Variants in TLN1 observed in about 807,000 individuals in gnomAD.
TLN1 encodes the protein talin-1.
A neutral mutation model predicts 292.3 loss-of-function variants in TLN1; 56 were observed. The ratio of observed to expected loss-of-function variants is 0.19; its 90% confidence interval spans 0.15 to 0.24. The LOEUF (loss-of-function observed/expected upper bound fraction) is 0.24. Among genes scored for constraint, TLN1 ranks in the 10% least tolerant of loss-of-function variants. The probability of loss-of-function intolerance (pLI) is 1.00; values close to 1 mark genes in which losing one functional copy is unlikely to be tolerated. For missense variants in TLN1, 2,433 were observed against 3,248.2 expected (o/e 0.75, Z 6.10); for synonymous variants, 1,119 against 1,253.7 (o/e 0.89, Z 2.27).
In TLN1 at chr9:35,716,405, C is replaced by T. The variant is rs1361248549; in HGVS notation, c.2610G>A (p.Met870Ile). 1 of 1,614,066 alleles carries T rather than the reference C, an allele frequency of 6.2e-7. No homozygotes were observed. The highest frequency in any genetic ancestry group is 8.5e-7 in the Non-Finnish European group (1 of 1,180,038). Reference sequence around the variant, plus strand: ...GGCTTTGTACCTTGGCAGCCTCTACCATCTTGGCTGTGGCATCAGCTAGGA... The same window carrying T: ...GGCTTTGTACCTTGGCAGCCTCTACTATCTTGGCTGTGGCATCAGCTAGGA... ...AKILADATAK[M>I]VEAAKGAAAH... The change falls in exon 20 of 57, where the codon ATG (methionine) becomes ATA (isoleucine). Residue 870 changes from methionine (M) to isoleucine (I), a missense_variant. Met to Ile is a conservative substitution (Grantham distance 10). This residue lies in a region of TLN1 where 617 missense variants were observed against 770.6 expected (regional missense o/e 0.80). Coordinates refer to ENST00000314888, the MANE Select transcript of TLN1 (RefSeq NM_006289.4).
At position 35,697,798 on chromosome 9, in the gene TLN1, T is replaced by A; in HGVS notation, c.7619A>T (p.Glu2540Val). 1.9e-6 allele frequency: 3 copies of A among 1,614,052 alleles called. No individual in the cohort carries two copies. The highest frequency in any genetic ancestry group is 2.5e-6 in the Non-Finnish European group (3 of 1,180,010). The change falls in exon 57 of 57, where the codon GAG (glutamate) becomes GTG (valine). Residue 2540 changes from glutamate (E) to valine (V), a missense_variant. By Grantham distance (121) the Glu-to-Val change is moderately radical. This residue lies in a region of TLN1 where 141 missense variants were observed against 248.5 expected (regional missense o/e 0.57). Coordinates refer to ENST00000314888, the MANE Select transcript of TLN1 (RefSeq NM_006289.4). ...YKFLPSELRD[E>V]H Reference sequence around the variant, plus strand: ...TAAATAGAAGAGGCTTCTTTAGTGCTCATCTCGAAGCTCTGAAGGCAGAAA... The same window carrying A: ...TAAATAGAAGAGGCTTCTTTAGTGCACATCTCGAAGCTCTGAAGGCAGAAA...
At chr9:35,705,888 G>A in intron 41 of TLN1, 37 bp from the exon 42 acceptor site, 1 of 1,614,124 alleles carries the variant, frequency 6.2e-7, no homozygotes. Flanking sequence ...AAGACTGTTA[G>A]GGTCTCTGCC....
Position 35,699,267 on chromosome 9 carries a change from G to A in TLN1, c.6874+89C>T, listed in dbSNP as rs367889462. On this transcript the variant is annotated intron_variant, in intron 51 of 56. Coordinates refer to ENST00000314888, the MANE Select transcript of TLN1 (RefSeq NM_006289.4). The surrounding 1 kb of genome is among the most constrained non-coding windows in gnomAD (Gnocchi z 4.0). ...CTGGCATCTGTGGGGACTATGGTCAGAGGCTAGCACAGAGCTGTCCAGCCA... is the reference window on the plus strand; with the variant it reads ...CTGGCATCTGTGGGGACTATGGTCAAAGGCTAGCACAGAGCTGTCCAGCCA... The A allele has an allele frequency of 2.2e-4, 341 of 1,555,472 alleles. 3 individuals carry two copies. The African/African-American group carries it at 4.0e-3, about 18-fold the overall frequency.
chr9:35,719,012 C>A lies in TLN1; in HGVS notation c.1896+62G>T. 1 of 1,596,412 alleles carries A rather than the reference C, an allele frequency of 6.3e-7. No individual in the cohort carries two copies. Among genetic ancestry groups the A allele is most frequent in the Non-Finnish European group, 8.6e-7 (1 of 1,167,504 alleles). On this transcript the variant is annotated intron_variant, in intron 16 of 56. Transcript: ENST00000314888. This position sits in a 1 kb window ranked among gnomAD's most constrained non-coding sequence, Gnocchi z 4.6. ...CCAGGCTTCCATCCTGTGGCTTGGA[C>A]TGCCCCTTCTCCTTGGGCTTGAACC...
rs570385924 is a variant in TLN1 at position 35,717,972 on chromosome 9, C to A, written c.1996-186G>T. ...GCAGGACAGAACCCCCACCGAGGAA[C>A]AAACCCACACCAAGAGAAAATACAG... On this transcript the variant is annotated intron_variant, in intron 17 of 56. Coordinates refer to ENST00000314888, the MANE Select transcript of TLN1 (RefSeq NM_006289.4). This position sits in a 1 kb window ranked among gnomAD's most constrained non-coding sequence, Gnocchi z 4.7. Among the ~76,000 whole-genome samples, 87 of 152,278 alleles carry A rather than the reference C, an allele frequency of 5.7e-4. No individual in the cohort carries two copies. The highest frequency in any genetic ancestry group is 1.1e-3 in the Non-Finnish European group (75 of 68,016).
chr9:35,710,081 G>C (rs1003949377), intron 33 of TLN1, among the ~76,000 whole-genome samples: 5 of 147,052 alleles, frequency 3.4e-5, no homozygotes, highest in Non-Finnish European at 6.0e-5. Flanking sequence ...AAATTAGCCG[G>C]GTGTGGTGGT....
At position 35,710,999 on chromosome 9, in the gene TLN1, C is replaced by T. The variant is rs1476377555; in HGVS notation, c.4103G>A (p.Arg1368Gln). The T allele has an allele frequency of 1.2e-6, 2 of 1,614,192 alleles. No individual in the cohort carries two copies. Among genetic ancestry groups the T allele is most frequent in the African/African-American group, 1.3e-5 (1 of 75,048 alleles). The change falls in exon 31 of 57, where the codon CGG becomes CAG. Residue 1368 changes from arginine (R) to glutamine (Q), a missense_variant. Around this residue, in one of 7 missense-constraint regions of TLN1, gnomAD observed 1,384 missense variants for 1,699.6 expected, o/e 0.81. Coordinates refer to ENST00000314888, the MANE Select transcript of TLN1 (RefSeq NM_006289.4). ...CTGCCATGTGTCTACCTCCAATTCC[C>T]GCAGGGCGTTATCACACTCCTTCTG... Reference protein sequence around the residue: ...PGQKECDNALRELETVRELLE... With the variant: ...PGQKECDNALQELETVRELLE...
In TLN1 at chr9:35,698,713, A is replaced by T. The variant is rs571234657; in HGVS notation, c.7126-34T>A. The T allele has an allele frequency of 2.4e-4, 380 of 1,614,054 alleles. 10 individuals are homozygous for T. In the South Asian group the frequency reaches 4.1e-3, roughly 17 times the overall value. The stretch of plus-strand genomic sequence containing the variant: ...AGGAGAAGAGCCTACTTAGACCTGC[A>T]TTTTCCTCACTTCAAAGACTCGCTG... On this transcript the variant is annotated intron_variant, in intron 53 of 56. Transcript: ENST00000314888. The surrounding 1 kb of genome is among the most constrained non-coding windows in gnomAD (Gnocchi z 5.3).
Position 35,698,150 on chromosome 9 carries a change from C to T in TLN1, c.7394G>A (p.Arg2465Gln), listed in dbSNP as rs754032655. ...TGCTTTCACCAGATTATCTGAGGCT[C>T]GCTTCACTGCGTTGCCAGCAGCCTG... Reference protein sequence around the residue: ...RLQAAGNAVKRASDNLVKAAQ... With the variant: ...RLQAAGNAVKQASDNLVKAAQ... Residue 2465 changes from arginine to glutamine, a missense_variant, in exon 56 of 57, where the codon CGA becomes CAA. By Grantham distance (43) the Arg-to-Gln change is conservative. Coordinates refer to ENST00000314888, the MANE Select transcript of TLN1 (RefSeq NM_006289.4). The surrounding 1 kb of genome is among the most constrained non-coding windows in gnomAD (Gnocchi z 5.3). The T allele has an allele frequency of 5.0e-6, 8 of 1,613,840 alleles. No individual in the cohort carries two copies. The highest frequency in any genetic ancestry group is 4.4e-5 in the South Asian group (4 of 91,086).
chr9:35,710,845 A>G lies in TLN1; in HGVS notation c.4155T>C (p.Asn1385=). The part of the protein sequence containing the change: ...ELLENPVQPI[N]DMSYFGCLDS... Reference sequence around the variant, plus strand: ...CCAGGCAACCAAAGTAGGACATGTCATTGATGGGCTGGACTGGGTTCTCCA... The same window carrying G: ...CCAGGCAACCAAAGTAGGACATGTCGTTGATGGGCTGGACTGGGTTCTCCA... The change falls in exon 32 of 57, where the codon AAT becomes AAC. Residue 1385 remains asparagine (N), a synonymous_variant. Transcript: ENST00000314888. 6.2e-7 allele frequency: 1 copy of G among 1,614,238 alleles called. No homozygotes were observed.
In TLN1 at chr9:35,698,371, G is replaced by A. The variant is rs1280551130; in HGVS notation, c.7323C>T (p.Ala2441=). ...VAASTAQLLV[A]CKVKADQDSE... is the part of the protein sequence containing the mutation. The stretch of plus-strand genomic sequence containing the variant: ...AGTCCTGGTCAGCCTTGACCTTGCA[G>A]GCCACAAGGAGCTGGGCTGTGGAGG... Residue 2441 remains alanine (A), a synonymous_variant, in exon 55 of 57, where the codon GCC becomes GCT. Transcript: ENST00000314888. The surrounding 1 kb of genome is among the most constrained non-coding windows in gnomAD (Gnocchi z 5.3). The A allele has an allele frequency of 6.2e-7, 1 of 1,614,202 alleles. No homozygotes were observed. Among genetic ancestry groups the A allele is most frequent in the East Asian group, 2.2e-5 (1 of 44,888 alleles).
At position 35,708,421 on chromosome 9, in the gene TLN1, G is replaced by T; in HGVS notation, c.4390C>A (p.Pro1464Thr). The T allele has an allele frequency of 6.2e-7, 1 of 1,611,292 alleles. No individual in the cohort carries two copies. The highest frequency in any genetic ancestry group is 8.5e-7 in the Non-Finnish European group (1 of 1,178,450). Reference sequence around the variant, plus strand: ...TGGTTTGCACGGGCAAACTGTGTGGGCTCCACTAGCCCTTGCTGTCCAGCT... The same window carrying T: ...TGGTTTGCACGGGCAAACTGTGTGGTCTCCACTAGCCCTTGCTGTCCAGCT... ...SQAGQQGLVE[P>T]TQFARANQAI... The change falls in exon 34 of 57, where the codon CCC (proline) becomes ACC (threonine). Residue 1464 changes from proline to threonine, a missense_variant. Physicochemically the swap from Pro to Thr is conservative, Grantham distance 38. Around this residue, in one of 7 missense-constraint regions of TLN1, gnomAD observed 1,384 missense variants for 1,699.6 expected, o/e 0.81. Coordinates refer to ENST00000314888, the MANE Select transcript of TLN1 (RefSeq NM_006289.4).
At position 35,712,491 on chromosome 9, in the gene TLN1, T is replaced by C. The variant is rs1432743963; in HGVS notation, c.3561+344A>G. ...AAGCCCTGTCTCTACTAAAACAAAA[T>C]TCAAAAATTAGCTGGGTGTGGTGGC... On this transcript the variant is annotated intron_variant, in intron 27 of 56. Transcript: ENST00000314888. 2.6e-5 allele frequency among the ~76,000 whole-genome samples: 4 copies of C among 151,698 alleles called. No homozygotes were observed. The East Asian group carries it at 7.8e-4, about 29-fold the overall frequency.
Position 35,706,176 on chromosome 9 carries a change from TCCCTCCCAAC to T in TLN1, c.5361+10_5361+19del. The T allele has an allele frequency of 2.5e-6, 4 of 1,606,784 alleles. No individual in the cohort carries two copies. The highest frequency in any genetic ancestry group is 3.4e-6 in the Non-Finnish European group (4 of 1,176,950). On this transcript the variant is annotated intron_variant, in intron 40 of 56. Coordinates refer to ENST00000314888, the MANE Select transcript of TLN1 (RefSeq NM_006289.4). The surrounding 1 kb of genome is among the most constrained non-coding windows in gnomAD (Gnocchi z 4.2). ...CCAGCCTCCTGCTAGTAACAGCTCCTCCCTCCCAACCCTCAATACCTTTGGGTTACCACCA... is the reference window on the plus strand; with the variant it reads ...CCAGCCTCCTGCTAGTAACAGCTCCTCCTCAATACCTTTGGGTTACCACCA...
At position 35,706,391 on chromosome 9, in the gene TLN1, G is replaced by A. The variant is rs1471788912; in HGVS notation, c.5191-25C>T. Reference sequence around the variant, plus strand: ...CCTGAGGCAAGGGGTTGGACTAGGGGTCAGGTCCCCTCTCTCTCACCCTAC... The same window carrying A: ...CCTGAGGCAAGGGGTTGGACTAGGGATCAGGTCCCCTCTCTCTCACCCTAC... On this transcript the variant is annotated intron_variant, in intron 39 of 56. Transcript: ENST00000314888. This position sits in a 1 kb window ranked among gnomAD's most constrained non-coding sequence, Gnocchi z 4.2. The A allele has an allele frequency of 1.2e-6, 2 of 1,612,264 alleles. No homozygotes were observed. Among genetic ancestry groups the A allele is most frequent in the South Asian group, 1.1e-5 (1 of 90,818 alleles).
chr9:35,715,864 C>T (rs933318472), intron 20 of TLN1, among the ~76,000 whole-genome samples: 1 of 152,174 alleles, frequency 6.6e-6, no homozygotes, highest in African/African-American at 2.4e-5. Flanking sequence ...TAGCGTTCTA[C>T]ACCACTGTAG....
At chr9:35,712,461 T>A (rs1184904405) in intron 27 of TLN1, among the ~76,000 whole-genome samples, 1 of 152,028 alleles carries the variant, frequency 6.6e-6, no homozygotes. Flanking sequence ...CTGGCCAACA[T>A]GGTGAAGCCC....
rs879509492 is a variant in TLN1, at chr9:35,717,017, T to C, written c.2458+129A>G. ...AGCTTTAATGATGAGCCTATGGTTG[T>C]GTGGCTGGCAAGCCCACACTGTGCT... On this transcript the variant is annotated intron_variant, in intron 19 of 56. Coordinates refer to ENST00000314888, the MANE Select transcript of TLN1 (RefSeq NM_006289.4). This position sits in a 1 kb window ranked among gnomAD's most constrained non-coding sequence, Gnocchi z 4.7. The C allele has an allele frequency of 3.1e-5, 32 of 1,021,026 alleles. No homozygotes were observed. Among genetic ancestry groups the C allele is most frequent in the Non-Finnish European group, 4.4e-5 (31 of 708,282 alleles). 63.2% of individuals were successfully genotyped at this position (1,021,026 alleles called of 1,614,324 possible). A position where few individuals can be genotyped will look rare whatever the true frequency, so the allele number is the denominator to read the frequency against.
intron 1 of TLN1, among the ~76,000 whole-genome samples, chr9:35,727,920 C>T (rs1039293587): frequency 2.0e-5 from 3 of 152,134 alleles, no homozygotes; most frequent in Non-Finnish European, 2.9e-5. Flanking sequence ...TGTGTGGACG[C>T]GAAGAACTGA....
Sources: gnomAD v4.1 joint callset for allele counts (sites outside exome capture counted in the v4.1 genomes callset) on GRCh38, gnomAD v4.1.1 for gene constraint, gnomAD v4.1.1 regional missense constraint, Gnocchi (gnomAD v3.1) non-coding constraint, MANE v1.5 for transcripts, NCBI Gene and HGNC (gene_info 2026-07-23, HGNC 2026-07-21) for gene names.